UBE2O: variants seen among roughly 807,000 people sequenced by gnomAD.
UBE2O encodes (E3-independent) E2 ubiquitin-conjugating enzyme.
Under a neutral mutation model 125.8 loss-of-function variants are expected in UBE2O, and 15 were observed. The ratio of observed to expected loss-of-function variants is 0.12; its 90% CI spans 0.08 to 0.18. The LOEUF (loss-of-function observed/expected upper bound fraction) is 0.18. Among genes scored for constraint, UBE2O ranks in the 10% least tolerant of loss-of-function variants. The probability of loss-of-function intolerance (pLI) is 1.00; values close to 1 mark genes in which losing one functional copy is unlikely to be tolerated. For synonymous variants in UBE2O, 708 were observed against 703.2 expected (o/e 1.01, Z -0.11); for missense variants, 1,280 against 1,723.6 (o/e 0.74, Z 4.56).
At position 76,452,608 on chromosome 17, in the gene UBE2O, G is replaced by A. The variant is rs1266498331; in HGVS notation, c.417+117C>T. ...TACCCTCCACTGGGGCTGTCCTCCC[G>A]CGTCGGCCACTGCAGTGGCACCGCT... On this transcript the variant is annotated intron_variant, in intron 1 of 17. Coordinates refer to ENST00000319380, the MANE Select transcript of UBE2O (RefSeq NM_022066.4). The surrounding 1 kb of genome is among the most constrained non-coding windows in gnomAD (Gnocchi z 4.4). 9 of 972,758 alleles carry A rather than the reference G, an allele frequency of 9.3e-6. No homozygotes were observed. The African/African-American group carries it at 1.4e-4, about 15-fold the overall frequency. 60.3% of individuals were successfully genotyped at this position (972,758 alleles called of 1,614,324 possible).
Position 76,400,078 on chromosome 17 carries a change from T to C in UBE2O, c.1155+69A>G, listed in dbSNP as rs548485347. 6.4e-7 allele frequency: 1 copy of C among 1,571,532 alleles called. No individual in the cohort carries two copies. Among genetic ancestry groups the C allele is most frequent in the Non-Finnish European group, 8.6e-7 (1 of 1,157,212 alleles). Reference sequence around the variant, plus strand: ...CAAGGCCTAAAGCACAGACTGTCCTTCTTGGCCATGGAAATGGCTCAAGGC... The same window carrying C: ...CAAGGCCTAAAGCACAGACTGTCCTCCTTGGCCATGGAAATGGCTCAAGGC... On this transcript the variant is annotated intron_variant, in intron 8 of 17. Transcript: ENST00000319380. The surrounding 1 kb of genome is among the most constrained non-coding windows in gnomAD (Gnocchi z 4.3).
intron 3 of UBE2O, among the ~76,000 whole-genome samples, chr17:76,403,567 C>T (rs570918422): frequency 3.3e-5 from 5 of 152,164 alleles, no homozygotes; most frequent in African/African-American, 7.2e-5. Flanking sequence ...CCACTGCGCC[C>T]GTGAACTCTG....
intron 1 of UBE2O, among the ~76,000 whole-genome samples, chr17:76,426,703 T>C (rs891949194): frequency 6.6e-6 from 1 of 152,208 alleles, no homozygotes; most frequent in Non-Finnish European, 1.5e-5. Flanking sequence ...AGTGTGTTCA[T>C]TCAAATCACC....
chr17:76,397,120 G>A (rs1030063365), intron 13 of UBE2O, among the ~76,000 whole-genome samples: 7 of 152,202 alleles, frequency 4.6e-5, no homozygotes, highest in African/African-American at 1.7e-4. Context: ...GGCGTTAGGG[G>A]ACCTTGGCAG....
Position 76,398,327 on chromosome 17 carries a change from A to T in UBE2O, c.1953T>A (p.Phe651Leu). ...TGACGATGTCAGTTGTACGGAACCT[A>T]AAGTCAGGGTGGTCAGCAATGTCGT... ...SVYDIADHPD[F>L]RFRTTDIVIR... The change falls in exon 12 of 18, where the codon TTT becomes TTA. Residue 651 changes from phenylalanine to leucine, a missense_variant. Around this residue, in one of 10 missense-constraint regions of UBE2O, gnomAD observed 210 missense variants for 268.9 expected, o/e 0.78. Transcript: ENST00000319380. The surrounding 1 kb of genome is among the most constrained non-coding windows in gnomAD (Gnocchi z 5.4). The T allele has an allele frequency of 6.2e-7, 1 of 1,614,116 alleles. No individual in the cohort carries two copies. Among genetic ancestry groups the T allele is most frequent in the Non-Finnish European group, 8.5e-7 (1 of 1,179,994 alleles).
intron 1 of UBE2O, among the ~76,000 whole-genome samples, chr17:76,445,785 G>T (rs1032703660): frequency 1.3e-5 from 2 of 152,182 alleles, no homozygotes; most frequent in African/African-American, 4.8e-5. Flanking sequence ...TAAGCATTTT[G>T]CTCTTCCCTG....
At chr17:76,440,255 G>A (rs181459039) in intron 1 of UBE2O, among the ~76,000 whole-genome samples, 3 of 152,308 alleles carry the variant, frequency 2.0e-5, no homozygotes, top group Non-Finnish European at 4.4e-5. Flanking sequence ...CTTATCATAT[G>A]AGTTATATGT....
intron 1 of UBE2O, among the ~76,000 whole-genome samples, chr17:76,416,986 G>A (rs577678002): frequency 1.3e-5 from 2 of 152,318 alleles, no homozygotes; most frequent in South Asian, 4.1e-4. Context: ...ATAAGCTTCA[G>A]GGCACAGGGA....
At position 76,453,018 on chromosome 17, in the gene UBE2O, A is replaced by C. The variant is rs759459526; in HGVS notation, c.124T>G (p.Ser42Ala). The change falls in exon 1 of 18, where the codon TCG becomes GCG. Residue 42 changes from serine (S) to alanine (A), a missense_variant. Coordinates refer to ENST00000319380, the MANE Select transcript of UBE2O (RefSeq NM_022066.4). ...GAGTCCGAGGACGGCCCGGAGGCCG[A>C]GTCCGAGGCGGGCGCCGGCGCCGGG... ...PVPAPAPASD[S>A]ASGPSSDSGP... The C allele has an allele frequency of 1.4e-5, 21 of 1,452,918 alleles. No individual in the cohort carries two copies. In the South Asian group the frequency reaches 2.6e-4, roughly 18 times the overall value. 90.0% of individuals were successfully genotyped at this position (1,452,918 alleles called of 1,614,324 possible).
In UBE2O at chr17:76,421,085, AC is replaced by A. The variant is rs530171163; in HGVS notation, c.418-15514del. Among the ~76,000 whole-genome samples, 304 of 152,238 alleles carry A rather than the reference AC, an allele frequency of 2.0e-3. 1 individual carries two copies. Among genetic ancestry groups the A allele is most frequent in the African/African-American group, 6.5e-3 (271 of 41,550 alleles). On this transcript the variant is annotated intron_variant, in intron 1 of 17. Coordinates refer to ENST00000319380, the MANE Select transcript of UBE2O (RefSeq NM_022066.4). ...AGGCATGGATGGGAAAGTGAACAGG[AC>A]TCAGCACCACCCATTTGCTAAGTGG...
intron 1 of UBE2O, among the ~76,000 whole-genome samples, chr17:76,444,039 G>A (rs920597549): frequency 1.3e-5 from 2 of 151,220 alleles, no homozygotes; most frequent in Admixed American, 6.6e-5. Context: ...TGACCAATAT[G>A]GTGAAACCCC....
chr17:76,422,159 C>A (rs2072722534), intron 1 of UBE2O, among the ~76,000 whole-genome samples: 1 of 152,182 alleles, frequency 6.6e-6, no homozygotes, highest in Non-Finnish European at 1.5e-5. Flanking sequence ...TTCTCGTGGC[C>A]TCTCTCTCCG....
intron 1 of UBE2O, among the ~76,000 whole-genome samples, chr17:76,435,749 C>A (rs972366848): frequency 1.3e-5 from 2 of 152,216 alleles, no homozygotes; most frequent in African/African-American, 4.8e-5. Context: ...GCTCACCTAA[C>A]GCCTCTCAGT....
chr17:76,421,785 T>C (rs1376380613), intron 1 of UBE2O, among the ~76,000 whole-genome samples: 2 of 152,230 alleles, frequency 1.3e-5, no homozygotes, highest in African/African-American at 2.4e-5. Flanking sequence ...CTTTCTTTCA[T>C]GGAGTAAATG....
intron 1 of UBE2O, among the ~76,000 whole-genome samples, chr17:76,424,552 G>C (rs1374467811): frequency 6.6e-6 from 1 of 152,018 alleles, no homozygotes; most frequent in Non-Finnish European, 1.5e-5. Context: ...ATGGTATCTT[G>C]GATATATACT....
chr17:76,411,692 C>T (rs540717328), intron 1 of UBE2O, among the ~76,000 whole-genome samples: 4 of 152,030 alleles, frequency 2.6e-5, no homozygotes, highest in African/African-American at 9.6e-5. Context: ...CAGATTTTTT[C>T]TTTTTTTTCT....
chr17:76,417,803 A>G (rs7207108), intron 1 of UBE2O, among the ~76,000 whole-genome samples: 46,759 of 152,096 alleles, frequency 0.31, 8,171 homozygotes, highest in East Asian at 0.49. Context: ...TTGATGCTGC[A>G]TGGATGCATC....
In UBE2O at chr17:76,398,202, G is replaced by T. The variant is rs933157922; in HGVS notation, c.2025+53C>A. ...CCTGGTGGCAGCATCAGGGACTGCA[G>T]CTGGTGCACAGGGCAGTGAGCAGCC... On this transcript the variant is annotated intron_variant, in intron 12 of 17. Coordinates refer to ENST00000319380, the MANE Select transcript of UBE2O (RefSeq NM_022066.4). This position sits in a 1 kb window ranked among gnomAD's most constrained non-coding sequence, Gnocchi z 5.4. The T allele has an allele frequency of 6.2e-7, 1 of 1,611,066 alleles. No individual in the cohort carries two copies. The highest frequency in any genetic ancestry group is 2.2e-5 in the East Asian group (1 of 44,838).
At position 76,395,852 on chromosome 17, in the gene UBE2O, G is replaced by C; in HGVS notation, c.2819C>G (p.Ser940Cys). The C allele has an allele frequency of 1.2e-6, 2 of 1,614,184 alleles. No homozygotes were observed. The highest frequency in any genetic ancestry group is 1.7e-6 in the Non-Finnish European group (2 of 1,180,048). ...SVLEFAPSNH[S>C]FKKIEFQPPE... Reference sequence around the variant, plus strand: ...AGGCTGGAACTCAATTTTCTTAAAAGAATGATTTGCTAGAGGGGGGAAGAG... The same window carrying C: ...AGGCTGGAACTCAATTTTCTTAAAACAATGATTTGCTAGAGGGGGGAAGAG... The change falls in exon 15 of 18, where the codon TCT becomes TGT. Residue 940 changes from serine (S) to cysteine (C), a missense_variant. Ser to Cys is a moderately radical substitution (Grantham distance 112). Transcript: ENST00000319380. This position sits in a 1 kb window ranked among gnomAD's most constrained non-coding sequence, Gnocchi z 5.0.
Sources: gnomAD v4.1 joint callset for allele counts (sites outside exome capture counted in the v4.1 genomes callset) on GRCh38, gnomAD v4.1.1 for gene constraint, gnomAD v4.1.1 regional missense constraint, Gnocchi (gnomAD v3.1) non-coding constraint, MANE v1.5 for transcripts, NCBI Gene and HGNC (gene_info 2026-07-23, HGNC 2026-07-21) for gene names.